CSMD1: variants seen among roughly 807,000 people sequenced by gnomAD.
CSMD1 encodes the protein CUB and sushi domain-containing protein 1.
CSMD1 carries 213 observed loss-of-function variants against 417.5 expected under a neutral mutation model. That is an observed-to-expected ratio of 0.51 (90% CI 0.46 to 0.57). The LOEUF is 0.57. Among genes scored for constraint, CSMD1 ranks in the 20% least tolerant of loss-of-function variants. The pLI is 0.00. For synonymous variants in CSMD1, 2,862 were observed against 1,736.8 expected (o/e 1.65, Z -16.11); for missense variants, 6,923 against 4,529.7 (o/e 1.53, Z -15.17).
intron 1 of CSMD1, among the ~76,000 whole-genome samples, chr8:4,654,321 A>G (rs1014851582): frequency 6.6e-6 from 1 of 152,082 alleles, no homozygotes; most frequent in Admixed American, 6.5e-5. Flanking sequence ...TCAGGGATGT[A>G]TTGCTTTCTA....
At chr8:4,173,253 T>G (rs550989601) in intron 3 of CSMD1, among the ~76,000 whole-genome samples, 4 of 152,266 alleles carry the variant, frequency 2.6e-5, no homozygotes, top group Non-Finnish European at 5.9e-5. Context: ...ACGCAACATT[T>G]GGAATGTAAT....
chr8:4,600,331 G>C (rs969815243), intron 2 of CSMD1, among the ~76,000 whole-genome samples: 3 of 152,138 alleles, frequency 2.0e-5, no homozygotes, highest in African/African-American at 4.8e-5. Flanking sequence ...GAAATGGAAA[G>C]TTAGTCATAG....
At chr8:4,901,442 T>A (rs1391573178) in intron 1 of CSMD1, among the ~76,000 whole-genome samples, 1 of 152,212 alleles carries the variant, frequency 6.6e-6, no homozygotes, top group Non-Finnish European at 1.5e-5. Flanking sequence ...TTTCATAGAA[T>A]TTAATACATA....
chr8:3,994,335 T>A (rs1011065456), intron 5 of CSMD1, among the ~76,000 whole-genome samples: 5 of 151,352 alleles, frequency 3.3e-5, no homozygotes, highest in African/African-American at 1.2e-4. Flanking sequence ...CCGTTAACCA[T>A]CATGTCTTAA....
intron 1 of CSMD1, among the ~76,000 whole-genome samples, chr8:4,703,076 C>T (rs1467035344): frequency 1.3e-5 from 2 of 151,962 alleles, no homozygotes; most frequent in African/African-American, 2.4e-5. Context: ...TATTTTATAC[C>T]ATACATAATT....
chr8:4,301,713 C>T (rs1232810102), intron 3 of CSMD1, among the ~76,000 whole-genome samples: 1 of 152,194 alleles, frequency 6.6e-6, no homozygotes, highest in Non-Finnish European at 1.5e-5. Context: ...AATTGATGTG[C>T]ATAGTCTGTT....
Position 4,287,312 on chromosome 8 carries a change from C to A in CSMD1, c.415+132641G>T, listed in dbSNP as rs570796796. Among the ~76,000 whole-genome samples, 75 of 152,244 alleles carry A rather than the reference C, an allele frequency of 4.9e-4. No individual in the cohort carries two copies. In the South Asian group the frequency reaches 9.9e-3, roughly 20 times the overall value. The stretch of plus-strand genomic sequence containing the variant: ...TGTAACTCTTTATTTTCAGATAAAT[C>A]AAGCACATCTGGAGAAGTTACTTTA... On this transcript the variant is annotated intron_variant, in intron 3 of 69. Coordinates refer to ENST00000635120, the MANE Select transcript of CSMD1 (RefSeq NM_033225.6).
intron 33 of CSMD1, among the ~76,000 whole-genome samples, chr8:3,192,515 A>T (rs1796485467): frequency 6.6e-6 from 1 of 152,300 alleles, no homozygotes; most frequent in South Asian, 2.1e-4. Context: ...TTTGGCTACT[A>T]CTCAATTGTT....
intron 1 of CSMD1, among the ~76,000 whole-genome samples, chr8:4,771,231 C>A (rs1010923033): frequency 5.3e-5 from 8 of 152,296 alleles, no homozygotes; most frequent in Admixed American, 5.2e-4. Context: ...AGAGGCAGAG[C>A]TGGATGAGGA....
intron 7 of CSMD1, among the ~76,000 whole-genome samples, chr8:3,697,645 C>T (rs1383166414): frequency 6.6e-6 from 1 of 151,974 alleles, no homozygotes; most frequent in African/African-American, 2.4e-5. Flanking sequence ...TCTGTGGGCG[C>T]CAAACATGAA....
At chr8:3,462,186 A>C (rs1816547202) in intron 12 of CSMD1, among the ~76,000 whole-genome samples, 2 of 152,070 alleles carry the variant, frequency 1.3e-5, no homozygotes, top group African/African-American at 4.8e-5. Context: ...AATCATCCCA[A>C]GCAGTGTTCT....
At chr8:4,211,742 C>T (rs538337910) in intron 3 of CSMD1, among the ~76,000 whole-genome samples, 3 of 152,272 alleles carry the variant, frequency 2.0e-5, no homozygotes, top group African/African-American at 7.2e-5. Flanking sequence ...TGACAAAGAG[C>T]CCTGCAAATG....
At chr8:3,467,019 G>A (rs1294109859) in intron 12 of CSMD1, among the ~76,000 whole-genome samples, 1 of 152,050 alleles carries the variant, frequency 6.6e-6, no homozygotes, top group Non-Finnish European at 1.5e-5. Flanking sequence ...ATCTCTCAAG[G>A]ACTGATGGCC....
chr8:4,954,581 T>C (rs1808965791), intron 1 of CSMD1, among the ~76,000 whole-genome samples: 1 of 152,176 alleles, frequency 6.6e-6, no homozygotes, highest in Non-Finnish European at 1.5e-5. Context: ...TTTATCTACT[T>C]AGAACTTTTA....
intron 50 of CSMD1, among the ~76,000 whole-genome samples, chr8:3,035,550 C>G (rs892600326): frequency 6.6e-6 from 1 of 152,100 alleles, no homozygotes; most frequent in Non-Finnish European, 1.5e-5. Context: ...ATGAGTAACT[C>G]CAAGCATAGT....
chr8:3,730,515 G>C (rs1447140457), intron 6 of CSMD1, among the ~76,000 whole-genome samples: 1 of 152,008 alleles, frequency 6.6e-6, no homozygotes, highest in Non-Finnish European at 1.5e-5. Flanking sequence ...TTTGGCCCCA[G>C]GTTAGTGGTA....
chr8:3,210,681 T>C (rs1288872219), intron 30 of CSMD1, among the ~76,000 whole-genome samples: 5 of 149,292 alleles, frequency 3.3e-5, no homozygotes, highest in African/African-American at 1.2e-4. Context: ...TATACACACC[T>C]ATATATGTAT....
chr8:4,069,795 G>T (rs62501268), intron 3 of CSMD1, among the ~76,000 whole-genome samples: 1 of 152,076 alleles, frequency 6.6e-6, no homozygotes, highest in Non-Finnish European at 1.5e-5. Flanking sequence ...TGTTAAACAC[G>T]TAATTACTCG....
chr8:3,966,377 G>A (rs562553883), intron 5 of CSMD1, among the ~76,000 whole-genome samples: 5 of 152,058 alleles, frequency 3.3e-5, no homozygotes, highest in Admixed American at 6.6e-5. Context: ...TCCAAGTCTT[G>A]CGTCTTGAAA....
Sources: gnomAD v4.1 joint callset for allele counts (sites outside exome capture counted in the v4.1 genomes callset) on GRCh38, gnomAD v4.1.1 for gene constraint, MANE v1.5 for transcripts, NCBI Gene and HGNC (gene_info 2026-07-23, HGNC 2026-07-21) for gene names.